FBXO11: variants seen among roughly 807,000 people sequenced by gnomAD.
FBXO11 encodes the protein F-box protein 11.
FBXO11 carries 13 observed loss-of-function variants against 117.0 expected under a neutral mutation model. The ratio of observed to expected loss-of-function variants is 0.11; its 90% CI spans 0.07 to 0.18. The LOEUF (loss-of-function observed/expected upper bound fraction) is 0.18. FBXO11 is among the 10% of genes least tolerant of loss of function. FBXO11 has a pLI of 1.00. For synonymous variants in FBXO11, 490 were observed against 380.5 expected (o/e 1.29, Z -3.35); for missense variants, 767 against 1,164.4 (o/e 0.66, Z 4.97).
At chr2:47,834,298 T>A (rs1231198776) in intron 7 of FBXO11, among the ~76,000 whole-genome samples, 1 of 151,740 alleles carries the variant, frequency 6.6e-6, no homozygotes, top group Admixed American at 6.6e-5. Flanking sequence ...TACAGTGAAC[T>A]GAAATTGTGC....
intron 1 of FBXO11, among the ~76,000 whole-genome samples, chr2:47,874,754 C>A (rs1232546114): frequency 1.3e-5 from 2 of 152,014 alleles, no homozygotes; most frequent in African/African-American, 4.8e-5. Context: ...AGCCTGGTCT[C>A]TAACTCCTGG....
Position 47,839,730 on chromosome 2 carries a change from C to G in FBXO11, c.272G>C (p.Gly91Ala). Reference protein sequence around the residue: ...VPADMVAEESGPGAQNSPYQL... With the variant: ...VPADMVAEESAPGAQNSPYQL... ...GTATGGACTATTTTGTGCACCAGGA[C>G]CTGATTCTTCTGCAACCATATCTGC... The change falls in exon 2 of 23, where the codon GGT becomes GCT. Residue 91 changes from glycine to alanine, a missense_variant. By Grantham distance (60) the Gly-to-Ala change is moderately conservative (BLOSUM62 0). Transcript: ENST00000403359. 6.2e-7 allele frequency: 1 copy of G among 1,613,936 alleles called. No homozygotes were observed. Among genetic ancestry groups the G allele is most frequent in the Non-Finnish European group, 8.5e-7 (1 of 1,179,974 alleles).
chr2:47,844,349 A>G lies in FBXO11; in HGVS notation c.233-4580T>C, dbSNP rs529074045. Reference sequence around the variant, plus strand: ...CTAGTGGGCACTTTTTCTAATCTCTATGCGTAATTAGGGAAGTTATTTCAG... The same window carrying G: ...CTAGTGGGCACTTTTTCTAATCTCTGTGCGTAATTAGGGAAGTTATTTCAG... On this transcript the variant is annotated intron_variant, in intron 1 of 22. Coordinates refer to ENST00000403359, the MANE Select transcript of FBXO11 (RefSeq NM_001190274.2). Among the ~76,000 whole-genome samples the G allele has an allele frequency of 1.6e-4, 24 of 152,156 alleles. No homozygotes were observed. In the Middle Eastern group the frequency reaches 0.01, roughly 65 times the overall value.
Position 47,833,051 on chromosome 2 carries a change from G to C in FBXO11, c.954C>G (p.Asp318Glu), listed in dbSNP as rs1465563999. Reference sequence around the variant, plus strand: ...CTCTAGTGTTTTCAATTATAACTTTGTCTGCCACTTTCCCAGGTGCTGTGG... The same window carrying C: ...CTCTAGTGTTTTCAATTATAACTTTCTCTGCCACTTTCCCAGGTGCTGTGG... ...MIGAAPGKVA[D>E]KVIIENTRDS... is the part of the protein sequence containing the mutation. The change falls in exon 8 of 23, where the codon GAC becomes GAG. Residue 318 changes from aspartate to glutamate, a missense_variant. Asp to Glu is a conservative substitution (Grantham distance 45). Around this residue, in one of 10 missense-constraint regions of FBXO11, gnomAD observed 123 missense variants for 145.0 expected, o/e 0.85. Transcript: ENST00000403359. The C allele has an allele frequency of 6.2e-7, 1 of 1,612,782 alleles. No homozygotes were observed. The highest frequency in any genetic ancestry group is 8.5e-7 in the Non-Finnish European group (1 of 1,179,242).
At chr2:47,843,284 C>T (rs1226127469) in intron 1 of FBXO11, among the ~76,000 whole-genome samples, 1 of 152,186 alleles carries the variant, frequency 6.6e-6, no homozygotes, top group Non-Finnish European at 1.5e-5. Context: ...AGGGTTTAAA[C>T]ATGTCTAAAA....
intron 11 of FBXO11, among the ~76,000 whole-genome samples, chr2:47,830,976 T>A (rs956116873): frequency 6.6e-6 from 1 of 152,034 alleles, no homozygotes; most frequent in African/African-American, 2.4e-5. Flanking sequence ...TTTTTGTATT[T>A]TTTGTAGAGA....
intron 11 of FBXO11, among the ~76,000 whole-genome samples, chr2:47,824,429 T>G (rs1238274066): frequency 6.6e-6 from 1 of 152,118 alleles, no homozygotes; most frequent in East Asian, 1.9e-4. Flanking sequence ...GAGGTTGAGG[T>G]TGCAGTGAGC....
intron 1 of FBXO11, among the ~76,000 whole-genome samples, chr2:47,900,482 G>T (rs144664848): frequency 1.3e-3 from 205 of 151,932 alleles, no homozygotes; most frequent in African/African-American, 4.7e-3. Flanking sequence ...AGCAAGGAGT[G>T]TCTCCTGGCT....
intron 1 of FBXO11, among the ~76,000 whole-genome samples, chr2:47,900,723 T>A (rs1279881085): frequency 8.1e-6 from 1 of 123,022 alleles, no homozygotes; most frequent in Admixed American, 8.0e-5. Flanking sequence ...TATACACGTA[T>A]ACACACACGT....
Position 47,839,638 on chromosome 2 carries a change from T to G in FBXO11, c.360+4A>C. Reference sequence around the variant, plus strand: ...AAAAGAAAAGCAACTACAGTTAAAGTTACCTCCATACTGTTCTTTGTGGGA... The same window carrying G: ...AAAAGAAAAGCAACTACAGTTAAAGGTACCTCCATACTGTTCTTTGTGGGA... On this transcript the variant is annotated splice_donor_region_variant and intron_variant, in intron 2 of 22. Coordinates refer to ENST00000403359, the MANE Select transcript of FBXO11 (RefSeq NM_001190274.2). The G allele has an allele frequency of 6.2e-7, 1 of 1,610,372 alleles. No individual in the cohort carries two copies. The highest frequency in any genetic ancestry group is 2.2e-5 in the East Asian group (1 of 44,862).
chr2:47,893,851 T>C (rs963540530), intron 1 of FBXO11, among the ~76,000 whole-genome samples: 9 of 152,278 alleles, frequency 5.9e-5, no homozygotes, highest in African/African-American at 2.2e-4. Flanking sequence ...TTAGGGATAA[T>C]GTTCAGTAAA....
chr2:47,833,948 G>A (rs1672365238), intron 7 of FBXO11, among the ~76,000 whole-genome samples: 1 of 152,122 alleles, frequency 6.6e-6, no homozygotes. Flanking sequence ...GTTTACAGGT[G>A]TGAGCCACCA....
At chr2:47,861,520 C>T (rs1482830932) in intron 1 of FBXO11, among the ~76,000 whole-genome samples, 1 of 152,006 alleles carries the variant, frequency 6.6e-6, no homozygotes, top group Non-Finnish European at 1.5e-5. Context: ...TGGTGTCTTG[C>T]TGTATTGCCC....
intron 1 of FBXO11, among the ~76,000 whole-genome samples, chr2:47,878,842 G>A (rs369830135): frequency 5.3e-4 from 81 of 152,064 alleles, no homozygotes; most frequent in Non-Finnish European, 3.5e-4. Context: ...TTAGCCTGGC[G>A]TGGTGGGATG....
At chr2:47,843,016 A>C (rs1012392998) in intron 1 of FBXO11, among the ~76,000 whole-genome samples, 1 of 152,228 alleles carries the variant, frequency 6.6e-6, no homozygotes, top group Non-Finnish European at 1.5e-5. Flanking sequence ...AAAACTGCTG[A>C]GCTCAAGTGA....
intron 1 of FBXO11, among the ~76,000 whole-genome samples, chr2:47,845,282 A>C (rs1558436420): frequency 6.6e-6 from 1 of 152,204 alleles, no homozygotes; most frequent in Non-Finnish European, 1.5e-5. Flanking sequence ...AATGTACAGC[A>C]AATAAATTCA....
intron 1 of FBXO11, among the ~76,000 whole-genome samples, chr2:47,840,392 T>A (rs1428680985): frequency 6.6e-6 from 1 of 151,364 alleles, no homozygotes; most frequent in Non-Finnish European, 1.5e-5. Context: ...CTCAATATAG[T>A]GCATGAGATA....
chr2:47,869,470 T>G (rs1287887005), intron 1 of FBXO11, among the ~76,000 whole-genome samples: 1 of 152,204 alleles, frequency 6.6e-6, no homozygotes, highest in Admixed American at 6.5e-5. Flanking sequence ...GGAGATCCCC[T>G]AAGGCAACTC....
intron 1 of FBXO11, among the ~76,000 whole-genome samples, chr2:47,856,516 G>C (rs867008960): frequency 6.6e-6 from 1 of 152,180 alleles, no homozygotes; most frequent in Non-Finnish European, 1.5e-5. Context: ...TTATAGATTA[G>C]ATAGTAGGAA....
Sources: allele counts gnomAD v4.1 joint callset (sites outside exome capture counted in the v4.1 genomes callset), GRCh38; gene constraint gnomAD v4.1.1; regional missense constraint gnomAD v4.1.1; transcripts MANE v1.5; gene names NCBI Gene and HGNC (gene_info 2026-07-23, HGNC 2026-07-21).